The following SLC15A1 variants were observed in gnomAD, a reference collection of about 807,000 sequenced individuals.
The protein encoded by SLC15A1 is solute carrier family 15 member 1.
In SLC15A1, 83 loss-of-function variants were observed where a neutral mutation model predicts 92.9. The observed-to-expected ratio is 0.89, with a 90% CI of 0.75 to 1.07. The LOEUF (loss-of-function observed/expected upper bound fraction) is 1.07. SLC15A1 is among the 50% of genes least tolerant of loss of function. The probability of loss-of-function intolerance (pLI) is 0.00; values close to 1 mark genes in which losing one functional copy is unlikely to be tolerated. For missense variants in SLC15A1, 857 were observed against 880.1 expected (o/e 0.97, Z 0.33); for synonymous variants, 322 against 318.2 (o/e 1.01, Z -0.13).
At chr13:98,726,066 C>A in intron 4 of SLC15A1, 57 bp downstream of exon 4, 1 of 1,596,702 alleles carries the variant, frequency 6.3e-7, no homozygotes. Flanking sequence ...TTCCCAACTA[C>A]AAAACCTACA....
At chr13:98,707,736 T>A (rs894324097) in intron 15 of SLC15A1, among the ~76,000 whole-genome samples, 8 of 151,798 alleles carry the variant, frequency 5.3e-5, no homozygotes, top group Non-Finnish European at 1.2e-4. Flanking sequence ...TACAAAAAAA[T>A]TTTAATAAAT....
intron 18 of SLC15A1, among the ~76,000 whole-genome samples, chr13:98,694,819 G>T (rs1228231174): frequency 3.3e-5 from 5 of 152,128 alleles, no homozygotes; most frequent in African/African-American, 1.2e-4. Context: ...GAGATCAGGA[G>T]ATTGAGACCA....
rs2088261899 is a variant in SLC15A1 at position 98,721,825 on chromosome 13, T to G, written c.444A>C (p.Gly148=). The G allele has an allele frequency of 6.2e-7, 1 of 1,614,002 alleles. No individual in the cohort carries two copies. The highest frequency in any genetic ancestry group is 1.3e-5 in the African/African-American group (1 of 74,902). The change falls in exon 6 of 23, where the codon GGA becomes GGC. Residue 148 remains glycine, a synonymous_variant. Transcript: ENST00000376503. The part of the protein sequence containing the change: ...GIKPCVSAFG[G]DQFEEGQEKQ... ...TTACCTGGCCCTCTTCAAACTGATC[T>G]CCACCAAACGCAGACACACAGGGTT...
chr13:98,735,881 AG>A (rs1316702671), intron 1 of SLC15A1, among the ~76,000 whole-genome samples: 1 of 152,262 alleles, frequency 6.6e-6, no homozygotes, highest in Admixed American at 6.5e-5. Context: ...GCTCATGCAC[AG>A]GAAGAATTAA....
chr13:98,694,647 TA>T (rs779974638), intron 18 of SLC15A1, among the ~76,000 whole-genome samples: 70 of 152,362 alleles, frequency 4.6e-4, no homozygotes, highest in Non-Finnish European at 7.9e-4. Context: ...CAGAATCATC[TA>T]AATGTCTTTG....
At chr13:98,744,503 C>A (rs1409665022) in intron 1 of SLC15A1, among the ~76,000 whole-genome samples, 2 of 151,862 alleles carry the variant, frequency 1.3e-5, no homozygotes, top group African/African-American at 4.8e-5. Flanking sequence ...GTAATCCCAG[C>A]ACTTTGGGAG....
rs569072631 is a variant in SLC15A1, at chr13:98,712,771, T to C, written c.724-187A>G. 4.1e-4 allele frequency among the ~76,000 whole-genome samples: 62 copies of C among 152,282 alleles called. No individual in the cohort carries two copies. The South Asian group carries it at 0.012, about 30-fold the overall frequency. On this transcript the variant is annotated intron_variant, in intron 9 of 22. Coordinates refer to ENST00000376503, the MANE Select transcript of SLC15A1 (RefSeq NM_005073.4). ...CTCTGTCCAACTAAGAGCGTTTGAG[T>C]TGGGGTGAACAGAATTAAGCTGTGT...
intron 15 of SLC15A1, among the ~76,000 whole-genome samples, chr13:98,707,521 T>C (rs1625299): frequency 0.15 from 23,410 of 152,056 alleles, 3,102 homozygotes; most frequent in African/African-American, 0.36. Flanking sequence ...GTTTAATGGG[T>C]ACAGAATTTC....
chr13:98,708,381 G>A (rs544380111), intron 15 of SLC15A1, among the ~76,000 whole-genome samples: 2 of 152,300 alleles, frequency 1.3e-5, no homozygotes, highest in East Asian at 1.9e-4. Flanking sequence ...TGTAAGTGAT[G>A]AACTTCTTTT....
rs1235324717 is a variant in SLC15A1, at chr13:98,684,115, C to A, written c.*609G>T. ...AAATTAAGCTAGTCCAAAATAACATCATTTGTGTGATAGGGAAGATGACCA... is the reference window on the plus strand; with the variant it reads ...AAATTAAGCTAGTCCAAAATAACATAATTTGTGTGATAGGGAAGATGACCA... On this transcript the variant is annotated 3_prime_UTR_variant, in exon 23 of 23. Coordinates refer to ENST00000376503, the MANE Select transcript of SLC15A1 (RefSeq NM_005073.4). 1 of 152,188 alleles carries A rather than the reference C, an allele frequency of 6.6e-6. No individual in the cohort carries two copies. The highest frequency in any genetic ancestry group is 2.4e-5 in the African/African-American group (1 of 41,408). 9.4% of individuals were successfully genotyped at this position (152,188 alleles called of 1,614,324 possible). A position where few individuals can be genotyped will look rare whatever the true frequency, so the allele number is the denominator to read the frequency against.
intron 1 of SLC15A1, 83 bp from the exon 2 acceptor site, chr13:98,726,942 TTTAGG>T: frequency 7.1e-7 from 1 of 1,402,178 alleles, no homozygotes; most frequent in East Asian, 2.3e-5. Context: ...CCTCTGACTT[TTTAGG>T]GTGGTCAGAG....
chr13:98,723,894 C>T lies in SLC15A1; in HGVS notation c.365+18G>A. On this transcript the variant is annotated intron_variant, in intron 5 of 22. Transcript: ENST00000376503. Reference sequence around the variant, plus strand: ...CAAGGTGGGAGGGTGATGGGGGCAGCAGTGAGCACCAACTCACACGTGCAC... The same window carrying T: ...CAAGGTGGGAGGGTGATGGGGGCAGTAGTGAGCACCAACTCACACGTGCAC... 6.2e-7 allele frequency: 1 copy of T among 1,613,782 alleles called. No homozygotes were observed. The highest frequency in any genetic ancestry group is 8.5e-7 in the Non-Finnish European group (1 of 1,179,850).
intron 1 of SLC15A1, among the ~76,000 whole-genome samples, chr13:98,742,522 G>A (rs8002712): frequency 0.034 from 5,099 of 152,202 alleles, 325 homozygotes; most frequent in African/African-American, 0.11. Context: ...GCCTCAAACC[G>A]CGTGGCTTAC....
intron 1 of SLC15A1, among the ~76,000 whole-genome samples, chr13:98,738,599 T>C (rs1576644): frequency 0.61 from 93,461 of 152,260 alleles, 30,594 homozygotes; most frequent in African/African-American, 0.85. Context: ...GACTTGGTGG[T>C]TTCCACATGG....
chr13:98,703,113 G>C (rs780398559), intron 17 of SLC15A1, among the ~76,000 whole-genome samples: 3 of 139,656 alleles, frequency 2.1e-5, no homozygotes, highest in Non-Finnish European at 4.7e-5. Flanking sequence ...GTGAGATCCT[G>C]TTGAAAGTGA....
At chr13:98,726,486 C>A (rs760152740) in intron 2 of SLC15A1, 37 bp from the exon 3 acceptor site, 1 of 1,574,872 alleles carries the variant, frequency 6.3e-7, no homozygotes, top group African/African-American at 1.4e-5. Context: ...TTGAAATACA[C>A]CCCCCACTGG....
rs1239340818 is a variant in SLC15A1, at chr13:98,706,122, C to G, written c.1269+12G>C. 6.3e-7 allele frequency: 1 copy of G among 1,599,676 alleles called. No individual in the cohort carries two copies. Among genetic ancestry groups the G allele is most frequent in the South Asian group, 1.1e-5 (1 of 87,580 alleles). ...AAGATGAAAAAGAAGGCAGCAATTT[C>G]CTTCTACTTACTTGAGACATTGGGC... is the stretch of plus-strand genomic sequence containing the variant. On this transcript the variant is annotated intron_variant, in intron 16 of 22. Coordinates refer to ENST00000376503, the MANE Select transcript of SLC15A1 (RefSeq NM_005073.4).
At chr13:98,744,748 CAAAAAAA>C (rs5806073) in intron 1 of SLC15A1, among the ~76,000 whole-genome samples, 23 of 82,384 alleles carry the variant, frequency 2.8e-4, no homozygotes, top group Non-Finnish European at 3.4e-4. Context: ...GATTCCATCT[CAAAAAAA>C]AAAAAAAAAA....
At chr13:98,729,185 T>C in intron 1 of SLC15A1, among the ~76,000 whole-genome samples, 1 of 151,840 alleles carries the variant, frequency 6.6e-6, no homozygotes, top group South Asian at 2.1e-4. Flanking sequence ...CTGTAAAATA[T>C]TGTATTAATA....
Sources: allele counts gnomAD v4.1 joint callset (sites outside exome capture counted in the v4.1 genomes callset), GRCh38; gene constraint gnomAD v4.1.1; transcripts MANE v1.5; gene names NCBI Gene and HGNC (gene_info 2026-07-23, HGNC 2026-07-21).